BCKDHB: variants seen among roughly 807,000 people sequenced by gnomAD.
The protein encoded by BCKDHB is branched chain keto acid dehydrogenase E1 subunit beta.
Under a neutral mutation model 48.5 loss-of-function variants are expected in BCKDHB, and 41 were observed. The observed-to-expected ratio is 0.85, with a 90% CI of 0.66 to 1.10. The LOEUF is 1.10. BCKDHB is among the 50% of genes least tolerant of loss of function. BCKDHB has a pLI of 0.00. For missense variants in BCKDHB, 496 were observed against 494.2 expected, an observed-to-expected ratio of 1.00 and a Z score of -0.03; for synonymous variants, 201 against 174.8, an observed-to-expected ratio of 1.15 and a Z score of -1.18.
At chr6:80,398,895 C>A in the BCKDHB span, among the ~76,000 whole-genome samples, 3 of 152,138 alleles carry the variant, frequency 2.0e-5, no homozygotes, top group African/African-American at 2.4e-5. Flanking sequence ...AGCTTATCCA[C>A]CACGATCAAG....
chr6:80,129,991 A>G (rs1418576866), intron 3 of BCKDHB, among the ~76,000 whole-genome samples: 1 of 152,178 alleles, frequency 6.6e-6, no homozygotes, highest in Non-Finnish European at 1.5e-5. Context: ...CCATCACATT[A>G]TCCTTCTTAC....
chr6:80,380,613 C>G, the BCKDHB span, among the ~76,000 whole-genome samples: 14 of 151,994 alleles, frequency 9.2e-5, no homozygotes, highest in Admixed American at 9.2e-4. Flanking sequence ...TGCTCCTGCA[C>G]AGCAAGAGAC....
chr6:80,201,010 T>C lies in BCKDHB; in HGVS notation c.819T>C (p.Thr273=). 1 of 1,612,138 alleles carries C rather than the reference T, an allele frequency of 6.2e-7. No homozygotes were observed. The highest frequency in any genetic ancestry group is 8.5e-7 in the Non-Finnish European group (1 of 1,178,392). ...AEVIQEGSDV[T]LVAWGTQVHV... ...TCATACAGGAAGGGAGTGATGTTAC[T>C]CTAGTTGCCTGGGGCACTCAGGTGA... The change falls in exon 7 of 10, where the codon ACT becomes ACC. Residue 273 remains threonine (T), a synonymous_variant. Coordinates refer to ENST00000320393, the MANE Select transcript of BCKDHB (RefSeq NM_183050.4).
chr6:80,379,583 G>A, the BCKDHB span, among the ~76,000 whole-genome samples: 1 of 151,914 alleles, frequency 6.6e-6, no homozygotes, highest in Non-Finnish European at 1.5e-5. Flanking sequence ...CATAGTACTG[G>A]TAGCCCAAGC....
chr6:80,240,527 C>T (rs1200562866), intron 8 of BCKDHB, among the ~76,000 whole-genome samples: 1 of 152,102 alleles, frequency 6.6e-6, no homozygotes. Context: ...TTGTATCGGA[C>T]TTTACTGAAG....
chr6:80,166,320 A>T (rs933613158), intron 3 of BCKDHB, among the ~76,000 whole-genome samples: 1 of 152,086 alleles, frequency 6.6e-6, no homozygotes, highest in African/African-American at 2.4e-5. Flanking sequence ...AATTTTCATT[A>T]TAGTTTCTTC....
chr6:80,196,940 AGTT>A (rs1774158337), intron 6 of BCKDHB, among the ~76,000 whole-genome samples: 1 of 152,108 alleles, frequency 6.6e-6, no homozygotes, highest in Non-Finnish European at 1.5e-5. Flanking sequence ...TATTTTTCTG[AGTT>A]GTTCATTTTG....
chr6:80,432,205 T>G, the BCKDHB span, among the ~76,000 whole-genome samples: 1 of 152,152 alleles, frequency 6.6e-6, no homozygotes, highest in Non-Finnish European at 1.5e-5. Flanking sequence ...TCTCTGTATT[T>G]CCTGAATTTG....
chr6:80,335,777 A>G (rs1477825072), intron 9 of BCKDHB, among the ~76,000 whole-genome samples: 7 of 152,028 alleles, frequency 4.6e-5, no homozygotes, highest in Non-Finnish European at 8.8e-5. Context: ...TGGTGAGGAA[A>G]CTTTGATAGT....
At chr6:80,182,502 C>T (rs1217151053) in intron 6 of BCKDHB, among the ~76,000 whole-genome samples, 1 of 152,016 alleles carries the variant, frequency 6.6e-6, no homozygotes, top group Non-Finnish European at 1.5e-5. Flanking sequence ...TATTTTTGTT[C>T]CTGAATAAAA....
intron 9 of BCKDHB, among the ~76,000 whole-genome samples, chr6:80,298,316 T>C (rs576395100): frequency 5.7e-4 from 87 of 152,310 alleles, no homozygotes; most frequent in African/African-American, 2.0e-3. Flanking sequence ...TTTTGCCATG[T>C]TGGCCAGGCT....
the BCKDHB span, among the ~76,000 whole-genome samples, chr6:80,402,608 G>T: frequency 6.6e-6 from 1 of 151,558 alleles, no homozygotes; most frequent in Non-Finnish European, 1.5e-5. Flanking sequence ...CTTTTTAGAT[G>T]GATGTAATCA....
At chr6:80,159,294 A>AC (rs397742198) in intron 3 of BCKDHB, among the ~76,000 whole-genome samples, 5 of 151,828 alleles carry the variant, frequency 3.3e-5, no homozygotes, top group South Asian at 4.2e-4. Context: ...GTATAAAAAA[A>AC]CCCAAAAAAA....
At chr6:80,440,614 T>C in the BCKDHB span, 1 of 150,764 alleles carries the variant, frequency 6.6e-6, no homozygotes, top group Non-Finnish European at 1.5e-5. Flanking sequence ...TTTAGCTTGG[T>C]ACATTTTTTT....
chr6:80,316,162 T>G (rs9352817), intron 9 of BCKDHB, among the ~76,000 whole-genome samples: 62,219 of 152,040 alleles, frequency 0.41, 13,724 homozygotes, highest in Admixed American at 0.57. Context: ...AGTGTCAAGT[T>G]TAGGATAATT....
chr6:80,141,563 C>T (rs1389744098), intron 3 of BCKDHB, among the ~76,000 whole-genome samples: 2 of 151,986 alleles, frequency 1.3e-5, no homozygotes, highest in African/African-American at 2.4e-5. Flanking sequence ...GACCTTAAGC[C>T]AGTTTTTCTC....
the BCKDHB span, among the ~76,000 whole-genome samples, chr6:80,429,747 C>T: frequency 5.9e-5 from 9 of 152,292 alleles, no homozygotes; most frequent in African/African-American, 2.2e-4. Flanking sequence ...GCTGAAGTTG[C>T]TTATCAGCTT....
At chr6:80,199,463 A>G (rs1279654705) in intron 6 of BCKDHB, among the ~76,000 whole-genome samples, 3 of 152,092 alleles carry the variant, frequency 2.0e-5, no homozygotes, top group African/African-American at 7.2e-5. Flanking sequence ...CAGCATTTCC[A>G]CTGATAGTAT....
At chr6:80,137,917 C>T (rs1770971923) in intron 3 of BCKDHB, among the ~76,000 whole-genome samples, 1 of 151,472 alleles carries the variant, frequency 6.6e-6, no homozygotes, top group Non-Finnish European at 1.5e-5. Flanking sequence ...GATGACCCCA[C>T]CCCTACAAAA....
Sources: allele counts gnomAD v4.1 joint callset (sites outside exome capture counted in the v4.1 genomes callset), GRCh38; gene constraint gnomAD v4.1.1; transcripts MANE v1.5; gene names NCBI Gene and HGNC (gene_info 2026-07-23, HGNC 2026-07-21).